Variants in ITIH3 observed in about 807,000 individuals in gnomAD.
ITIH3 encodes the protein inter-alpha-trypsin inhibitor heavy chain H3.
Under a neutral mutation model 96.5 loss-of-function variants are expected in ITIH3, and 81 were observed. The ratio of observed to expected loss-of-function variants is 0.84; its 90% confidence interval spans 0.70 to 1.01. The LOEUF (loss-of-function observed/expected upper bound fraction) is 1.01, where lower values mean the gene tolerates loss of function less well. Among genes scored for constraint, ITIH3 ranks in the 50% least tolerant of loss-of-function variants. The pLI is 0.00. For synonymous variants in ITIH3, 422 were observed against 445.2 expected (o/e 0.95, Z 0.66); for missense variants, 1,057 against 1,139.3 (o/e 0.93, Z 1.04).
Position 52,806,374 on chromosome 3 carries a change from C to T in ITIH3, c.2024C>T (p.Thr675Ile), listed in dbSNP as rs748362639. The T allele has an allele frequency of 6.2e-7, 1 of 1,613,912 alleles. No homozygotes were observed. ...TTCAACATCGATGAAGCCCCAGGCA[C>T]AGTGCTGCGCCTTATTCAGGATGCA... The part of the protein sequence containing the change: ...LCFNIDEAPG[T>I]VLRLIQDAVT... Residue 675 changes from threonine (T) to isoleucine (I), a missense_variant, in exon 18 of 22, where the codon ACA becomes ATA. Transcript: ENST00000449956.
Position 52,800,965 on chromosome 3 carries a change from G to A in ITIH3, c.1202G>A (p.Gly401Asp). Reference sequence around the variant, plus strand: ...CTGTGAACACCCCCTTCTCCAACAGGTGAGAGCAGACCCGAAAAAATCCAA... The same window carrying A: ...CTGTGAACACCCCCTTCTCCAACAGATGAGAGCAGACCCGAAAAAATCCAA... ...IMLTDGDANVGESRPEKIQEN... is the reference protein window; with the variant it reads ...IMLTDGDANVDESRPEKIQEN... Residue 401 changes from glycine (G) to aspartate (D), a missense_variant and splice_region_variant, in exon 11 of 22, where the codon GGT (glycine) becomes GAT (aspartate). Physicochemically the swap from Gly to Asp is moderately conservative, Grantham distance 94. Transcript: ENST00000449956. The A allele has an allele frequency of 1.2e-6, 2 of 1,614,060 alleles. No individual in the cohort carries two copies. Among genetic ancestry groups the A allele is most frequent in the Non-Finnish European group, 1.7e-6 (2 of 1,179,900 alleles).
intron 13 of ITIH3, 62 bp downstream of exon 13, chr3:52,802,868 C>A (rs1408226670): frequency 2.4e-5 from 38 of 1,581,802 alleles, no homozygotes; most frequent in South Asian, 1.6e-4. Flanking sequence ...GCAAGGGCAC[C>A]CCCATACGCA....
intron 11 of ITIH3, 122 bp downstream of exon 11, chr3:52,801,268 G>A (rs1699821914): frequency 6.0e-6 from 5 of 837,770 alleles, no homozygotes; most frequent in Admixed American, 3.4e-5. Context: ...ATCCACCTCT[G>A]ACTATCTCTT....
intron 1 of ITIH3, among the ~76,000 whole-genome samples, 199 bp from the exon 2 acceptor site, chr3:52,795,404 C>A (rs1699541777): frequency 6.6e-6 from 1 of 152,180 alleles, no homozygotes; most frequent in South Asian, 2.1e-4. Flanking sequence ...CTCTCTGGAC[C>A]TCAGTTTCCC....
At position 52,799,435 on chromosome 3, in the gene ITIH3, G is replaced by T; in HGVS notation, c.853G>T (p.Val285Leu). The change falls in exon 8 of 22, where the codon GTG becomes TTG. Residue 285 changes from valine to leucine, a missense_variant. Val to Leu is a conservative substitution (Grantham distance 32). Transcript: ENST00000449956. ...AGGCCTTCCAGTGGTGCCTAAGAAC[G>T]TGGCCTTTGTGATTGACATCAGCGG... ...PQGLPVVPKNVAFVIDISGSM... is the reference protein window; with the variant it reads ...PQGLPVVPKNLAFVIDISGSM... 1 of 1,612,576 alleles carries T rather than the reference G, an allele frequency of 6.2e-7. No individual in the cohort carries two copies. Among genetic ancestry groups the T allele is most frequent in the Non-Finnish European group, 8.5e-7 (1 of 1,179,348 alleles).
chr3:52,806,646 T>C (rs1700061859), intron 18 of ITIH3, among the ~76,000 whole-genome samples: 1 of 152,206 alleles, frequency 6.6e-6, no homozygotes, highest in African/African-American at 2.4e-5. Context: ...GGACCCAGCC[T>C]GTGTCTGGGG....
chr3:52,806,903 CTCACAGTTAATGGGCAGA>C lies in ITIH3; in HGVS notation c.2064_2081del (p.Val689_Thr694del). On this transcript the variant is annotated inframe_deletion, in exon 19 of 22. Coordinates refer to ENST00000449956, the MANE Select transcript of ITIH3 (RefSeq NM_002217.4). ...TCCCTGCCCCATCCCTCTGGCAGGC[CTCACAGTTAATGGGCAGA>C]TCACTGGCGACAAGAGAGGCAGCCC... The C allele has an allele frequency of 6.3e-7, 1 of 1,580,264 alleles. No individual in the cohort carries two copies. Among genetic ancestry groups the C allele is most frequent in the Non-Finnish European group, 8.6e-7 (1 of 1,162,910 alleles).
rs545740325 is a variant in ITIH3 at position 52,795,167 on chromosome 3, G to A, written c.93+271G>A. 6.4e-4 allele frequency among the ~76,000 whole-genome samples: 97 copies of A among 152,326 alleles called. 1 individual carries two copies. The highest frequency in any genetic ancestry group is 9.3e-4 in the Non-Finnish European group (63 of 68,030). ...CCAGGAACTGCTCACTTCACTGAGG[G>A]GCAATGAAGGTTCAAGTCTCAAACG... On this transcript the variant is annotated intron_variant, in intron 1 of 21. Coordinates refer to ENST00000449956, the MANE Select transcript of ITIH3 (RefSeq NM_002217.4).
intron 12 of ITIH3, 71 bp from the exon 13 acceptor site, chr3:52,802,596 C>T (rs1699878803): frequency 6.2e-7 from 1 of 1,611,540 alleles, no homozygotes; most frequent in Non-Finnish European, 8.5e-7. Flanking sequence ...CATGAGGGTC[C>T]AGGAGTGGTG....
At chr3:52,808,075 C>T (rs747004276) in intron 20 of ITIH3, 35 bp from the exon 21 acceptor site, 1 of 1,605,046 alleles carries the variant, frequency 6.2e-7, no homozygotes, top group East Asian at 2.2e-5. Flanking sequence ...GTGGCAATGG[C>T]CAGGGGCTGA....
chr3:52,799,749 C>T lies in ITIH3; in HGVS notation c.907-4C>T, dbSNP rs1238875352. The T allele has an allele frequency of 1.2e-6, 2 of 1,608,930 alleles. No homozygotes were observed. The highest frequency in any genetic ancestry group is 2.2e-5 in the East Asian group (1 of 44,820). On this transcript the variant is annotated splice_polypyrimidine_tract_variant and splice_region_variant and intron_variant, in intron 8 of 21. Transcript: ENST00000449956. ...CTTCTCCCAGCTCTTTGTCTCTCCT[C>T]CAGACAAAGGAGGCCCTTCTCAGAA... is the stretch of plus-strand genomic sequence containing the variant.
chr3:52,805,264 AGG>A, intron 15 of ITIH3: 3 of 1,006,076 alleles, frequency 3.0e-6, no homozygotes, highest in Non-Finnish European at 3.6e-6. Flanking sequence ...GCCACTAGGC[AGG>A]GCCTCCCCAG....
chr3:52,804,168 G>C, intron 14 of ITIH3, 159 bp downstream of exon 14: 1 of 704,190 alleles, frequency 1.4e-6, no homozygotes, highest in Non-Finnish European at 2.4e-6. Context: ...GTGGGGTGGA[G>C]CGTGAAGCAG....
chr3:52,804,682 G>A (rs1169156024), intron 14 of ITIH3, 44 bp from the exon 15 acceptor site: 19 of 1,566,394 alleles, frequency 1.2e-5, no homozygotes, highest in Non-Finnish European at 1.5e-5. Flanking sequence ...GTGCCCTATG[G>A]CTTCTAATGC....
At chr3:52,800,505 A>G (rs777519194) in intron 9 of ITIH3, 33 bp from the exon 10 acceptor site, 6 of 1,550,052 alleles carry the variant, frequency 3.9e-6, no homozygotes, top group Non-Finnish European at 8.7e-7. Context: ...CCCTGAGGAC[A>G]CCCTCCCACG....
At position 52,808,655 on chromosome 3, in the gene ITIH3, GACT is replaced by G. The variant is rs1700142403; in HGVS notation, c.2650_2652del (p.Tyr884del). 6.2e-7 allele frequency: 1 copy of G among 1,613,146 alleles called. No individual in the cohort carries two copies. The highest frequency in any genetic ancestry group is 8.5e-7 in the Non-Finnish European group (1 of 1,179,182). On this transcript the variant is annotated inframe_deletion, in exon 22 of 22. Coordinates refer to ENST00000449956, the MANE Select transcript of ITIH3 (RefSeq NM_002217.4). ...AGGGCTGATTGATGGTGTCCACACT[GACT>G]ACATTGTCCCCAACCTGTTTTGAGT...
chr3:52,794,946 A>G, intron 1 of ITIH3, 50 bp downstream of exon 1: 2 of 1,442,232 alleles, frequency 1.4e-6, no homozygotes, highest in Middle Eastern at 1.8e-4. Context: ...GAATGGGCAG[A>G]AGGCATCATG....
At chr3:52,798,780 C>T in intron 6 of ITIH3, 186 bp from the exon 7 acceptor site, 1 of 640,706 alleles carries the variant, frequency 1.6e-6, no homozygotes. Context: ...TCCAGTGAGT[C>T]CTGGGAGCTG....
rs1700053780 is a variant in ITIH3 at position 52,806,461 on chromosome 3, G to A, written c.2056+55G>A. The A allele has an allele frequency of 2.9e-6, 4 of 1,361,382 alleles. No individual in the cohort carries two copies. In the East Asian group the frequency reaches 6.9e-5, roughly 24 times the overall value. 84.3% of individuals were successfully genotyped at this position (1,361,382 alleles called of 1,614,324 possible). A position where few individuals can be genotyped will look rare whatever the true frequency, so the allele number is the denominator to read the frequency against. On this transcript the variant is annotated intron_variant, in intron 18 of 21. Coordinates refer to ENST00000449956, the MANE Select transcript of ITIH3 (RefSeq NM_002217.4). Reference sequence around the variant, plus strand: ...GGGGGCTCTTCCTGGGAGGGCTTGGGTCCCCCGAGGTAGGCACAGGGAACA... The same window carrying A: ...GGGGGCTCTTCCTGGGAGGGCTTGGATCCCCCGAGGTAGGCACAGGGAACA...
Sources: allele counts gnomAD v4.1 joint callset (sites outside exome capture counted in the v4.1 genomes callset), GRCh38; gene constraint gnomAD v4.1.1; transcripts MANE v1.5; gene names NCBI Gene and HGNC (gene_info 2026-07-23, HGNC 2026-07-21).